The following UNC5D variants were observed in gnomAD, a reference collection of about 807,000 sequenced individuals.
UNC5D encodes the protein netrin receptor UNC5D.
Under a neutral mutation model 105.4 loss-of-function variants are expected in UNC5D, and 39 were observed. That is an observed-to-expected ratio of 0.37 (90% CI 0.29 to 0.48). UNC5D has a LOEUF of 0.48. Ranked by LOEUF, UNC5D falls within the 20% of genes least tolerant of loss-of-function variation. The pLI, the probability that UNC5D is intolerant of heterozygous loss-of-function variation, is 0.98. For missense variants in UNC5D, 991 were observed against 1,202.4 expected, an observed-to-expected ratio of 0.82 and a Z score of 2.60; for synonymous variants, 452 against 450.4, an observed-to-expected ratio of 1.00 and a Z score of -0.04.
At chr8:35,759,227 A>C in intron 13 of UNC5D, 93 bp from the exon 14 acceptor site, 1 of 1,400,268 alleles carries the variant, frequency 7.1e-7, no homozygotes, top group South Asian at 1.2e-5. Flanking sequence ...TGTGGAAGAC[A>C]CATGGTAGTG....
At chr8:35,375,454 T>C (rs1017628836) in intron 1 of UNC5D, among the ~76,000 whole-genome samples, 2 of 152,188 alleles carry the variant, frequency 1.3e-5, no homozygotes, top group Non-Finnish European at 1.5e-5. Context: ...CCTCCCGCAG[T>C]TGGGCTTTTA....
intron 1 of UNC5D, among the ~76,000 whole-genome samples, chr8:35,250,541 C>G (rs1803622337): frequency 6.6e-6 from 1 of 152,164 alleles, no homozygotes; most frequent in African/African-American, 2.4e-5. Flanking sequence ...GTTGCCTAGG[C>G]TGGAGTGCAG....
rs546095272 is a variant in UNC5D, at chr8:35,447,949, G to A, written c.104-101343G>A. 6.6e-5 allele frequency among the ~76,000 whole-genome samples: 10 copies of A among 152,124 alleles called. No individual in the cohort carries two copies. The South Asian group carries it at 2.1e-3, about 32-fold the overall frequency. On this transcript the variant is annotated intron_variant, in intron 1 of 16. Transcript: ENST00000404895. ...ACCAGGAAATAATACTCTTCTGTCT[G>A]AAAGTTTCCAAATTTGTTCCTAAAA... is the stretch of plus-strand genomic sequence containing the variant.
chr8:35,600,215 G>A (rs1350075047), intron 4 of UNC5D, among the ~76,000 whole-genome samples: 1 of 152,112 alleles, frequency 6.6e-6, no homozygotes, highest in Non-Finnish European at 1.5e-5. Context: ...TTGGACATTT[G>A]GGTTGGTTCC....
At chr8:35,361,864 A>G (rs1358307889) in intron 1 of UNC5D, among the ~76,000 whole-genome samples, 3 of 152,160 alleles carry the variant, frequency 2.0e-5, no homozygotes, top group South Asian at 2.1e-4. Flanking sequence ...CCAAAAATGC[A>G]TATTGACCAT....
At chr8:35,549,554 G>A (rs776499265) in intron 2 of UNC5D, 44 bp downstream of exon 2, 6 of 1,567,760 alleles carry the variant, frequency 3.8e-6, no homozygotes, top group South Asian at 1.1e-5. Context: ...TGACTCTTTA[G>A]GTTCTCCTGT....
Position 35,793,269 on chromosome 8 carries a change from TGGA to T in UNC5D, c.*2712_*2714del, listed in dbSNP as rs1803125583. Reference sequence around the variant, plus strand: ...GTGAGATTTACAGACCAAGGTGTGGTGGAGGAGGTAGAATTGCAGATCAGATAA... The same window carrying T: ...GTGAGATTTACAGACCAAGGTGTGGTGGAGGTAGAATTGCAGATCAGATAA... On this transcript the variant is annotated 3_prime_UTR_variant, in exon 17 of 17. Transcript: ENST00000404895. 2.5e-6 allele frequency: 1 copy of T among 402,502 alleles called. No individual in the cohort carries two copies. The highest frequency in any genetic ancestry group is 5.0e-6 in the Non-Finnish European group (1 of 201,764). 24.9% of individuals were successfully genotyped at this position (402,502 alleles called of 1,614,324 possible).
rs758449590 is a variant in UNC5D at position 35,568,163 on chromosome 8, G to A, written c.388G>A (p.Glu130Lys). 248 of 1,614,080 alleles carry A rather than the reference G, an allele frequency of 1.5e-4. No individual in the cohort carries two copies. The highest frequency in any genetic ancestry group is 1.9e-4 in the Non-Finnish European group (226 of 1,180,050). The change falls in exon 3 of 17, where the codon GAG (glutamate) becomes AAG (lysine). Residue 130 changes from glutamate to lysine, a missense_variant. Transcript: ENST00000404895. ...ACAGGTGGAGGACTTCCATGGGCCC[G>A]AGGACTATTGGTGCCAGTGTGTGGC... Reference protein sequence around the residue: ...RQQVEDFHGPEDYWCQCVAWS... With the variant: ...RQQVEDFHGPKDYWCQCVAWS...
rs751101374 is a variant in UNC5D at position 35,726,353 on chromosome 8, A to G, written c.1505A>G (p.His502Arg). 8.1e-6 allele frequency: 13 copies of G among 1,614,130 alleles called. No individual in the cohort carries two copies. In the Admixed American group the frequency reaches 1.3e-4, roughly 17 times the overall value. The part of the protein sequence containing the change: ...SLGVSERAEY[H>R]GKNHSRTFPH... ...GGAGTGTCTGAGAGAGCTGAGTACCACGGCAAGAATCATTCCAGGACTTTT... is the reference window on the plus strand; with the variant it reads ...GGAGTGTCTGAGAGAGCTGAGTACCGCGGCAAGAATCATTCCAGGACTTTT... Residue 502 changes from histidine (H) to arginine (R), a missense_variant, in exon 10 of 17, where the codon CAC becomes CGC. His to Arg is a conservative substitution (Grantham distance 29, BLOSUM62 0). Around this residue, in one of 3 missense-constraint regions of UNC5D, gnomAD observed 944 missense variants for 1,131.6 expected, o/e 0.83. Transcript: ENST00000404895.
At chr8:35,750,052 T>C (rs1432930217) in intron 12 of UNC5D, among the ~76,000 whole-genome samples, 1 of 150,150 alleles carries the variant, frequency 6.7e-6, no homozygotes, top group Non-Finnish European at 1.5e-5. Flanking sequence ...ATTGAACAAA[T>C]TAGCCAGAAA....
chr8:35,355,601 T>G (rs1417266021), intron 1 of UNC5D, among the ~76,000 whole-genome samples: 1 of 152,148 alleles, frequency 6.6e-6, no homozygotes, highest in Non-Finnish European at 1.5e-5. Context: ...CTATTAACGT[T>G]GGGTGTTATT....
At chr8:35,475,435 T>G (rs1810017311) in intron 1 of UNC5D, among the ~76,000 whole-genome samples, 2 of 152,212 alleles carry the variant, frequency 1.3e-5, no homozygotes, top group Non-Finnish European at 2.9e-5. Context: ...TCTGGGGACT[T>G]GAACTTTGGG....
intron 2 of UNC5D, among the ~76,000 whole-genome samples, chr8:35,567,087 A>T (rs1334869720): frequency 6.6e-6 from 1 of 152,084 alleles, no homozygotes; most frequent in East Asian, 1.9e-4. Flanking sequence ...AAAAAAAAAA[A>T]AACCATTAAA....
rs576334199 is a variant in UNC5D at position 35,719,736 on chromosome 8, G to C, written c.1118-2474G>C. On this transcript the variant is annotated intron_variant, in intron 8 of 16. Transcript: ENST00000404895. ...AATTTTATAATTCCCAGGACAAATTGTTCTGTAAAATAATTCCCATTTTGC... is the reference window on the plus strand; with the variant it reads ...AATTTTATAATTCCCAGGACAAATTCTTCTGTAAAATAATTCCCATTTTGC... Among the ~76,000 whole-genome samples the C allele has an allele frequency of 3.3e-5, 5 of 152,180 alleles. No homozygotes were observed. The East Asian group carries it at 9.7e-4, about 29-fold the overall frequency.
intron 8 of UNC5D, among the ~76,000 whole-genome samples, chr8:35,714,142 G>A (rs1828118869): frequency 6.6e-6 from 1 of 152,240 alleles, no homozygotes; most frequent in Non-Finnish European, 1.5e-5. Flanking sequence ...AGAGGCACTA[G>A]ACACAATCAC....
chr8:35,249,590 AATAATAATAATAAAAT>A (rs1181482958), intron 1 of UNC5D, among the ~76,000 whole-genome samples: 4 of 147,398 alleles, frequency 2.7e-5, no homozygotes, highest in African/African-American at 9.9e-5. Flanking sequence ...TAATAATAAT[AATAATAATAATAAAAT>A]AAATAAATAA....
At chr8:35,388,524 G>A (rs774299521) in intron 1 of UNC5D, among the ~76,000 whole-genome samples, 3 of 152,152 alleles carry the variant, frequency 2.0e-5, no homozygotes, top group Admixed American at 6.5e-5. Context: ...TAAAGGTTTA[G>A]ATGAAAAAGT....
intron 1 of UNC5D, among the ~76,000 whole-genome samples, chr8:35,315,221 T>A (rs573036504): frequency 9.8e-4 from 149 of 152,140 alleles, no homozygotes; most frequent in South Asian, 4.4e-3. Context: ...TTTTCTGCAT[T>A]AAAAAAAATC....
intron 3 of UNC5D, among the ~76,000 whole-genome samples, chr8:35,588,476 T>C (rs979921884): frequency 2.0e-5 from 3 of 152,188 alleles, no homozygotes; most frequent in South Asian, 2.1e-4. Flanking sequence ...TCTGAGAAAC[T>C]TTTTTGCAAT....
Sources: allele counts gnomAD v4.1 joint callset (sites outside exome capture counted in the v4.1 genomes callset), GRCh38; gene constraint gnomAD v4.1.1; regional missense constraint gnomAD v4.1.1; transcripts MANE v1.5; gene names NCBI Gene and HGNC (gene_info 2026-07-23, HGNC 2026-07-21).